Variants in LRRC7 observed in about 807,000 individuals in gnomAD.
LRRC7 encodes the protein leucine rich repeat containing 7.
A neutral mutation model predicts 175.7 loss-of-function variants in LRRC7; 23 were observed. The observed-to-expected ratio is 0.13, with a 90% CI of 0.09 to 0.19. The LOEUF (loss-of-function observed/expected upper bound fraction) is 0.19, where lower values mean the gene tolerates loss of function less well. Among genes scored for constraint, LRRC7 ranks in the 10% least tolerant of loss-of-function variants. LRRC7 has a pLI of 1.00. For missense variants in LRRC7, 1,354 were observed against 1,904.7 expected, an observed-to-expected ratio of 0.71 and a Z score of 5.38; for synonymous variants, 685 against 680.9, an observed-to-expected ratio of 1.01 and a Z score of -0.09.
intron 1 of LRRC7, among the ~76,000 whole-genome samples, chr1:69,586,355 G>A (rs1646402395): frequency 1.3e-5 from 2 of 151,812 alleles, no homozygotes; most frequent in South Asian, 2.1e-4. Context: ...GTTTCCCCTC[G>A]ACTTAAAAAA....
intron 2 of LRRC7, among the ~76,000 whole-genome samples, chr1:69,702,969 T>G (rs1663558220): frequency 6.6e-6 from 1 of 152,094 alleles, no homozygotes; most frequent in African/African-American, 2.4e-5. Flanking sequence ...TCAATTGCAG[T>G]GTTTATTACA....
chr1:70,109,074 T>C (rs1665343033), intron 26 of LRRC7, among the ~76,000 whole-genome samples: 2 of 152,160 alleles, frequency 1.3e-5, no homozygotes, highest in African/African-American at 4.8e-5. Flanking sequence ...CAGGCTGGAG[T>C]GCAATGGCAC....
chr1:69,584,018 G>C (rs554342290), intron 1 of LRRC7, among the ~76,000 whole-genome samples: 8 of 152,222 alleles, frequency 5.3e-5, no homozygotes, highest in Admixed American at 1.3e-4. Flanking sequence ...ATCTGCAGCA[G>C]ATGAAAAGAC....
At chr1:69,934,494 C>CGGGGGGG (rs573858643) in intron 8 of LRRC7, among the ~76,000 whole-genome samples, 6 of 46,540 alleles carry the variant, frequency 1.3e-4, no homozygotes, top group African/African-American at 3.2e-4. Context: ...GATATTTTGG[C>CGGGGGGG]GGGGGGGGGG....
At chr1:69,787,836 A>G (rs941880316) in intron 3 of LRRC7, among the ~76,000 whole-genome samples, 1 of 152,132 alleles carries the variant, frequency 6.6e-6, no homozygotes, top group Non-Finnish European at 1.5e-5. Flanking sequence ...GGTCCCTCCC[A>G]CAATATGTGA....
intron 8 of LRRC7, among the ~76,000 whole-genome samples, chr1:69,963,128 A>T (rs570395064): frequency 6.6e-6 from 1 of 152,006 alleles, no homozygotes; most frequent in South Asian, 2.1e-4. Context: ...GCCTGGTGAA[A>T]GCCTGTCTCT....
At position 70,043,940 on chromosome 1, in the gene LRRC7, T is replaced by G; in HGVS notation, c.3970-14T>G. On this transcript the variant is annotated splice_polypyrimidine_tract_variant and intron_variant, in intron 21 of 26. Coordinates refer to ENST00000651989, the MANE Select transcript of LRRC7 (RefSeq NM_001370785.2). ...GTGTTCACACCCTGTCACATGATTATTTCCTCTACTCAGAATGCTGCTTAC... is the reference window on the plus strand; with the variant it reads ...GTGTTCACACCCTGTCACATGATTAGTTCCTCTACTCAGAATGCTGCTTAC... The G allele has an allele frequency of 6.3e-7, 1 of 1,592,430 alleles. No individual in the cohort carries two copies. The highest frequency in any genetic ancestry group is 8.6e-7 in the Non-Finnish European group (1 of 1,163,190).
intron 7 of LRRC7, among the ~76,000 whole-genome samples, chr1:69,853,615 A>G (rs1013152172): frequency 3.9e-5 from 6 of 152,162 alleles, no homozygotes; most frequent in African/African-American, 1.2e-4. Flanking sequence ...CATTTCTGAT[A>G]GAAAATGTTG....
chr1:69,769,908 C>T (rs916588712), intron 3 of LRRC7, among the ~76,000 whole-genome samples: 1 of 152,040 alleles, frequency 6.6e-6, no homozygotes, highest in Non-Finnish European at 1.5e-5. Context: ...CCAGAAAAAC[C>T]AACTGGCCAT....
intron 2 of LRRC7, among the ~76,000 whole-genome samples, chr1:69,730,323 C>T (rs184839481): frequency 2.6e-5 from 4 of 152,244 alleles, no homozygotes; most frequent in East Asian, 1.9e-4. Flanking sequence ...TTTTTTACAG[C>T]GTTGTCAGGC....
chr1:70,014,614 C>T (rs2101958625), intron 13 of LRRC7, among the ~76,000 whole-genome samples: 1 of 151,802 alleles, frequency 6.6e-6, no homozygotes, highest in East Asian at 1.9e-4. Flanking sequence ...TAAAGTTAGG[C>T]CAAAGTTAAA....
intron 22 of LRRC7, among the ~76,000 whole-genome samples, chr1:70,049,769 T>C (rs913690965): frequency 6.6e-6 from 1 of 152,050 alleles, no homozygotes; most frequent in Admixed American, 6.6e-5. Context: ...GTAATACCTA[T>C]TTTTTCCAAA....
At chr1:69,989,882 C>T (rs562157249) in intron 10 of LRRC7, among the ~76,000 whole-genome samples, 115 of 152,068 alleles carry the variant, frequency 7.6e-4, no homozygotes, top group Middle Eastern at 3.4e-3. Flanking sequence ...TTAAAGCTGC[C>T]ATAGAACAAA....
intron 14 of LRRC7, among the ~76,000 whole-genome samples, chr1:70,018,099 A>G (rs1657122192): frequency 6.6e-6 from 1 of 152,056 alleles, no homozygotes; most frequent in Non-Finnish European, 1.5e-5. Context: ...CATTTCCAAT[A>G]TATTTCTGAC....
chr1:69,695,073 A>G (rs1026858635), intron 2 of LRRC7, among the ~76,000 whole-genome samples: 1 of 152,204 alleles, frequency 6.6e-6, no homozygotes, highest in Non-Finnish European at 1.5e-5. Context: ...GATAAGGGAA[A>G]ATTTGAAACT....
intron 2 of LRRC7, among the ~76,000 whole-genome samples, chr1:69,683,882 T>TG (rs35637682): frequency 0.21 from 31,789 of 151,948 alleles, 3,483 homozygotes; most frequent in South Asian, 0.29. Context: ...TTGGAACAAT[T>TG]GGAACTGGAA....
At chr1:69,915,265 G>T (rs993329630) in intron 7 of LRRC7, among the ~76,000 whole-genome samples, 3 of 152,174 alleles carry the variant, frequency 2.0e-5, no homozygotes, top group African/African-American at 7.2e-5. Flanking sequence ...GGGAGCGGAG[G>T]CGCAGAGCCT....
chr1:69,660,075 T>C (rs943374930), intron 1 of LRRC7, among the ~76,000 whole-genome samples: 2 of 151,892 alleles, frequency 1.3e-5, no homozygotes, highest in Admixed American at 1.3e-4. Context: ...ATATCTTAAA[T>C]ATAAGAACCC....
At chr1:70,033,023 T>C (rs1273453089) in intron 18 of LRRC7, among the ~76,000 whole-genome samples, 3 of 152,202 alleles carry the variant, frequency 2.0e-5, no homozygotes, top group Admixed American at 6.5e-5. Context: ...CAAAAGGAAC[T>C]CAATTCCTCT....
Sources: gnomAD v4.1 joint callset for allele counts (sites outside exome capture counted in the v4.1 genomes callset) on GRCh38, gnomAD v4.1.1 for gene constraint, MANE v1.5 for transcripts, NCBI Gene and HGNC (gene_info 2026-07-23, HGNC 2026-07-21) for gene names.